SYT2: variants seen among roughly 807,000 people sequenced by gnomAD.
SYT2 encodes synaptotagmin 2.
Under a neutral mutation model 39.9 loss-of-function variants are expected in SYT2, and 15 were observed. The observed-to-expected ratio is 0.38, with a 90% CI of 0.25 to 0.58. SYT2 has a LOEUF of 0.58. Among genes scored for constraint, SYT2 ranks in the 20% least tolerant of loss-of-function variants. The probability of loss-of-function intolerance (pLI) is 0.70; values close to 1 mark genes in which losing one functional copy is unlikely to be tolerated. For synonymous variants in SYT2, 181 were observed against 204.5 expected (o/e 0.89, Z 0.98); for missense variants, 389 against 530.3 (o/e 0.73, Z 2.62).
rs1166247548 is a variant in SYT2 at position 202,623,240 on chromosome 1, T to C, written c.-17-17451A>G. 2.6e-5 allele frequency among the ~76,000 whole-genome samples: 4 copies of C among 152,170 alleles called. No individual in the cohort carries two copies. The highest frequency in any genetic ancestry group is 5.9e-5 in the Non-Finnish European group (4 of 68,022). The stretch of plus-strand genomic sequence containing the variant: ...ATGGGAGAGGAGCTGGAGTCCAGGC[T>C]CCCTGGAGAGGGAGTTAATACTGCA... On this transcript the variant is annotated intron_variant, in intron 1 of 8. Transcript: ENST00000367268. This position sits in a 1 kb window ranked among gnomAD's most constrained non-coding sequence, Gnocchi z 4.2.
At chr1:202,665,880 G>A (rs776626055) in intron 1 of SYT2, among the ~76,000 whole-genome samples, 6 of 152,316 alleles carry the variant, frequency 3.9e-5, no homozygotes, top group South Asian at 4.1e-4. Flanking sequence ...CTAGCCGGGC[G>A]CTGTGGCTCA....
chr1:202,705,656 C>T (rs910406389), intron 1 of SYT2, among the ~76,000 whole-genome samples: 1 of 152,056 alleles, frequency 6.6e-6, no homozygotes, highest in Non-Finnish European at 1.5e-5. Context: ...ACTTTATCCT[C>T]ATCAGAAAAT....
chr1:202,630,827 C>T (rs1480630606), intron 1 of SYT2, among the ~76,000 whole-genome samples: 2 of 152,210 alleles, frequency 1.3e-5, no homozygotes, highest in Non-Finnish European at 2.9e-5. Flanking sequence ...GAGAATGGGC[C>T]GTTGCCCTGC....
At position 202,652,444 on chromosome 1, in the gene SYT2, A is replaced by T. The variant is rs139248055; in HGVS notation, c.-17-46655T>A. Among the ~76,000 whole-genome samples, 724 of 152,296 alleles carry T rather than the reference A, an allele frequency of 4.8e-3. 6 individuals carry two copies. The highest frequency in any genetic ancestry group is 0.017 in the African/African-American group (688 of 41,562). On this transcript the variant is annotated intron_variant, in intron 1 of 8. Coordinates refer to ENST00000367268, the MANE Select transcript of SYT2 (RefSeq NM_177402.5). The stretch of plus-strand genomic sequence containing the variant: ...CCTTTCTGCAGGAGGCCTGTCTCAG[A>T]TCAACTTTAGTGCACCAATGTGTCT...
At chr1:202,647,891 C>A (rs913812486) in intron 1 of SYT2, among the ~76,000 whole-genome samples, 9 of 152,048 alleles carry the variant, frequency 5.9e-5, no homozygotes, top group Non-Finnish European at 1.0e-4. Context: ...TTGTATAGAG[C>A]CATAAGACAT....
Position 202,623,456 on chromosome 1 carries a change from C to T in SYT2, c.-17-17667G>A, listed in dbSNP as rs1431401174. ...TTGGGCCTCCAGGGTTCCCCACTCC[C>T]CAGCACCCCACAACATCTCCCAAAC... On this transcript the variant is annotated intron_variant, in intron 1 of 8. Transcript: ENST00000367268. The surrounding 1 kb of genome is among the most constrained non-coding windows in gnomAD (Gnocchi z 4.2). Among the ~76,000 whole-genome samples the T allele has an allele frequency of 6.6e-6, 1 of 152,224 alleles. No individual in the cohort carries two copies. The highest frequency in any genetic ancestry group is 2.4e-5 in the African/African-American group (1 of 41,458).
At chr1:202,602,202 T>C in intron 5 of SYT2, 145 bp from the exon 6 acceptor site, 3 of 650,680 alleles carry the variant, frequency 4.6e-6, no homozygotes, top group Non-Finnish European at 7.4e-6. Context: ...GGGAGCAGAG[T>C]GTGAGGGTGG....
At chr1:202,694,938 C>T (rs1653936468) in intron 1 of SYT2, among the ~76,000 whole-genome samples, 1 of 152,146 alleles carries the variant, frequency 6.6e-6, no homozygotes, top group Non-Finnish European at 1.5e-5. Flanking sequence ...AGTCAATTTA[C>T]CTTTTCTCAA....
intron 1 of SYT2, among the ~76,000 whole-genome samples, chr1:202,618,429 G>GTGTGTGTGTGTC (rs1491069401): frequency 1.0e-4 from 14 of 138,022 alleles, no homozygotes; most frequent in Non-Finnish European, 1.8e-4. Context: ...GTGTGTGTGT[G>GTGTGTGTGTGTC]TACAGCGAGA....
chr1:202,618,589 C>A (rs1691115924), intron 1 of SYT2, among the ~76,000 whole-genome samples: 1 of 152,176 alleles, frequency 6.6e-6, no homozygotes, highest in African/African-American at 2.4e-5. Context: ...TTTCACCTCT[C>A]TGAGTGTCAG....
intron 1 of SYT2, among the ~76,000 whole-genome samples, chr1:202,688,781 G>GCCC (rs1433017954): frequency 2.0e-5 from 3 of 152,316 alleles, no homozygotes; most frequent in Middle Eastern, 3.4e-3. Flanking sequence ...GAGGGCACTG[G>GCCC]CCCATCCACG....
At chr1:202,626,025 A>G (rs16830648) in intron 1 of SYT2, among the ~76,000 whole-genome samples, 41,862 of 152,198 alleles carry the variant, frequency 0.28, 6,099 homozygotes, top group African/African-American at 0.34. Context: ...CTGTGAACAC[A>G]TATGCAAACA....
intron 1 of SYT2, among the ~76,000 whole-genome samples, chr1:202,661,884 CCATT>C (rs1474747473): frequency 6.6e-6 from 1 of 152,110 alleles, no homozygotes; most frequent in Non-Finnish European, 1.5e-5. Flanking sequence ...ACGCATTTAC[CCATT>C]CATTAGTTCA....
intron 1 of SYT2, among the ~76,000 whole-genome samples, chr1:202,616,912 C>T (rs1691056669): frequency 6.6e-6 from 1 of 152,234 alleles, no homozygotes; most frequent in Non-Finnish European, 1.5e-5. Flanking sequence ...ACATAGCTGC[C>T]TGATCTTCTG....
At chr1:202,639,381 G>T (rs867537445) in intron 1 of SYT2, 1 of 342,678 alleles carries the variant, frequency 2.9e-6, no homozygotes, top group Non-Finnish European at 4.1e-6. Context: ...AGGAAAGAGC[G>T]TTGGATTGAG....
rs1011238578 is a variant in SYT2, at chr1:202,697,891, T to C, written c.-18+12367A>G. ...AAAGAAAACCCTACCCTAGGAAGAC[T>C]GCTCCAGTCTGCCTCCAAGCACTTC... On this transcript the variant is annotated intron_variant, in intron 1 of 8. Coordinates refer to ENST00000367268, the MANE Select transcript of SYT2 (RefSeq NM_177402.5). Among the ~76,000 whole-genome samples, 55 of 152,196 alleles carry C rather than the reference T, an allele frequency of 3.6e-4. 1 individual carries two copies. The highest frequency in any genetic ancestry group is 3.3e-4 in the Admixed American group (5 of 15,284).
At chr1:202,690,350 A>G (rs1653787566) in intron 1 of SYT2, among the ~76,000 whole-genome samples, 1 of 152,342 alleles carries the variant, frequency 6.6e-6, no homozygotes, top group South Asian at 2.1e-4. Flanking sequence ...ACAAGCATGC[A>G]TGGCAGCAGG....
At chr1:202,621,234 C>G (rs902108433) in intron 1 of SYT2, among the ~76,000 whole-genome samples, 6 of 152,172 alleles carry the variant, frequency 3.9e-5, no homozygotes, top group Admixed American at 6.5e-5. Context: ...CTTCAGAACC[C>G]TGGAGCTGGA....
intron 1 of SYT2, among the ~76,000 whole-genome samples, chr1:202,626,397 G>GTTTTTTTTTTTTTTTTTTTTTTTTTT: frequency 9.8e-6 from 1 of 102,440 alleles, no homozygotes; most frequent in East Asian, 3.4e-4. Flanking sequence ...CAGCCTCTCA[G>GTTTTTTTTTTTTTTTTTTTTTTTTTT]CTTTTTTTTT....
Sources: allele counts gnomAD v4.1 joint callset (sites outside exome capture counted in the v4.1 genomes callset), GRCh38; gene constraint gnomAD v4.1.1; non-coding constraint Gnocchi (gnomAD v3.1); transcripts MANE v1.5; gene names NCBI Gene and HGNC (gene_info 2026-07-23, HGNC 2026-07-21).